The following NEB variants were observed in gnomAD, a reference collection of about 807,000 sequenced individuals.
NEB encodes nemaline myopathy type 2.
NEB carries 512 observed loss-of-function variants against 952.2 expected under a neutral mutation model. The observed-to-expected ratio is 0.54, with a 90% CI of 0.50 to 0.58. The LOEUF is 0.58. Among genes scored for constraint, NEB ranks in the 20% least tolerant of loss-of-function variants. NEB has a pLI of 0.00. For missense variants in NEB, 8,428 were observed against 9,231.1 expected, an observed-to-expected ratio of 0.91 and a Z score of 3.56; for synonymous variants, 2,900 against 3,149.8, an observed-to-expected ratio of 0.92 and a Z score of 2.66.
In NEB at chr2:151,554,005, A is replaced by G. The variant is rs2095483992; in HGVS notation, c.19449T>C (p.Tyr6483=). ...LNIDRLYRSV[Y]EKNKMKIHIV... ...TGTGGATTTTCATCTTGTTCTTTTC[A>G]TAAACTGATCTGTACAGGCGCTGTA... Residue 6483 remains tyrosine, a synonymous_variant, in exon 126 of 182, where the codon TAT becomes TAC. Transcript: ENST00000397345. 6.8e-6 allele frequency: 11 copies of G among 1,613,702 alleles called. No individual in the cohort carries two copies. Among genetic ancestry groups the G allele is most frequent in the African/African-American group, 1.3e-5 (1 of 74,928 alleles).
At chr2:151,499,061 G>GTT (rs1207028358) in intron 169 of NEB, among the ~76,000 whole-genome samples, 1 of 152,016 alleles carries the variant, frequency 6.6e-6, no homozygotes, top group East Asian at 1.9e-4. Context: ...CACTGAGAAT[G>GTT]TTACATTTGT....
intron 142 of NEB, among the ~76,000 whole-genome samples, chr2:151,533,884 T>C (rs1301611784): frequency 6.6e-6 from 1 of 152,238 alleles, no homozygotes; most frequent in Non-Finnish European, 1.5e-5. Context: ...TTTTTGTTTG[T>C]TTTTTGTTGT....
At chr2:151,638,835 GTGT>G (rs1560814370) in intron 63 of NEB, among the ~76,000 whole-genome samples, 45 of 151,486 alleles carry the variant, frequency 3.0e-4, no homozygotes, top group African/African-American at 8.5e-4. Flanking sequence ...GTGTGTGTGT[GTGT>G]GGGTTACCTG....
At chr2:151,641,638 A>G (rs554800005) in intron 60 of NEB, among the ~76,000 whole-genome samples, 1 of 152,262 alleles carries the variant, frequency 6.6e-6, no homozygotes, top group East Asian at 1.9e-4. Flanking sequence ...ACCTATACAC[A>G]TGATTTTTAA....
intron 13 of NEB, 108 bp downstream of exon 13, chr2:151,706,773 A>C (rs1023285867): frequency 9.0e-6 from 7 of 777,058 alleles, no homozygotes; most frequent in Non-Finnish European, 1.3e-5. Context: ...ACCACTCCAT[A>C]ACCTTAATGT....
chr2:151,656,188 C>A lies in NEB; in HGVS notation c.6460G>T (p.Glu2154Ter). Reference protein sequence around the residue: ...YILLPDAMNIELTRNMNRIQS... With the variant: ...YILLPDAMNI ...ATGCGATTCATATTCCTGGTCAGCT[C>A]AATGTTCATTGCATCTGGAAGGAGG... is the stretch of plus-strand genomic sequence containing the variant. The change falls in exon 49 of 182, where the codon GAG (glutamate) becomes TAG (stop). Residue 2154 changes from glutamate to a stop codon, truncating the protein, a stop_gained. Coordinates refer to ENST00000397345, the MANE Select transcript of NEB (RefSeq NM_001164508.2). LOFTEE classifies it high-confidence loss of function. The A allele has an allele frequency of 6.2e-7, 1 of 1,607,012 alleles. No homozygotes were observed. The highest frequency in any genetic ancestry group is 8.5e-7 in the Non-Finnish European group (1 of 1,175,738).
chr2:151,630,734 T>G lies in NEB; in HGVS notation c.9704A>C (p.Asn3235Thr). 1 of 1,608,942 alleles carries G rather than the reference T, an allele frequency of 6.2e-7. No homozygotes were observed. The highest frequency in any genetic ancestry group is 8.5e-7 in the Non-Finnish European group (1 of 1,177,272). ...DTPEIMLARQNKINYSETLYK... is the reference protein window; with the variant it reads ...DTPEIMLARQTKINYSETLYK... ...TCCTACCTCACTGTAGTTGATTTTG[T>G]TCTGCCTTGCCAACATAATCTCTGG... Residue 3235 changes from asparagine (N) to threonine (T), a missense_variant, in exon 67 of 182, where the codon AAC (asparagine) becomes ACC (threonine). By Grantham distance (65) the Asn-to-Thr change is moderately conservative (BLOSUM62 0). Transcript: ENST00000397345.
At chr2:151,490,642 G>T in intron 179 of NEB, 124 bp from the exon 180 acceptor site, 1 of 1,174,546 alleles carries the variant, frequency 8.5e-7, no homozygotes. Context: ...ACTTTCCCAT[G>T]GGTCAAACCC....
In NEB at chr2:151,672,641, G is replaced by A. The variant is rs747303590; in HGVS notation, c.4027C>T (p.His1343Tyr). 12 of 1,613,796 alleles carry A rather than the reference G, an allele frequency of 7.4e-6. No homozygotes were observed. The highest frequency in any genetic ancestry group is 1.0e-5 in the Non-Finnish European group (12 of 1,179,854). The change falls in exon 37 of 182, where the codon CAT becomes TAT. Residue 1343 changes from histidine (H) to tyrosine (Y), a missense_variant. Coordinates refer to ENST00000397345, the MANE Select transcript of NEB (RefSeq NM_001164508.2). ...TCCTGGAGGCTTCTGAAACCCACAT[G>A]CTTTCCCTTTGACTTCTCATAAGCT... ...KEAYEKSKGK[H>Y]VGFRSLQDDP...
chr2:151,568,362 G>C lies in NEB; in HGVS notation c.17690C>G (p.Thr5897Ser), dbSNP rs368206682. 6.2e-7 allele frequency: 1 copy of C among 1,613,284 alleles called. No homozygotes were observed. The highest frequency in any genetic ancestry group is 1.7e-5 in the Admixed American group (1 of 59,946). ...ATKSKYTLTE[T>S]PLLHTAQEAA... ...CTCCTGGGCAGTGTGCAGCAGGGGG[G>C]TTTCTGTGAGGGTGTACTTTGATTT... Residue 5897 changes from threonine to serine, a missense_variant, in exon 112 of 182, where the codon ACC (threonine) becomes AGC (serine). Around this residue, in one of 11 missense-constraint regions of NEB, gnomAD observed 3,374 missense variants for 3,651.5 expected, o/e 0.92. Coordinates refer to ENST00000397345, the MANE Select transcript of NEB (RefSeq NM_001164508.2).
Position 151,609,989 on chromosome 2 carries a change from T to A in NEB, c.12150A>T (p.Glu4050Asp), listed in dbSNP as rs1034285579. The A allele has an allele frequency of 6.2e-7, 1 of 1,613,872 alleles. No individual in the cohort carries two copies. Among genetic ancestry groups the A allele is most frequent in the African/African-American group, 1.3e-5 (1 of 74,946 alleles). The change falls in exon 81 of 182, where the codon GAA becomes GAT. Residue 4050 changes from glutamate (E) to aspartate (D), a missense_variant. Transcript: ENST00000397345. ...KIQSEREYKK[E>D]FQKWKTKFSS... ...AGAACTTGGTTTTCCACTTTTGGAA[T>A]TCCTTCTTGTACTCCCTTTCACTTT...
intron 124 of NEB, among the ~76,000 whole-genome samples, chr2:151,555,262 G>A (rs1037069644): frequency 1.3e-5 from 2 of 152,128 alleles, no homozygotes; most frequent in Non-Finnish European, 2.9e-5. Context: ...TGTATCAAAA[G>A]TACTTTTAAA....
intron 114 of NEB, among the ~76,000 whole-genome samples, chr2:151,566,893 T>C (rs964675678): frequency 1.3e-5 from 2 of 152,178 alleles, no homozygotes; most frequent in Non-Finnish European, 2.9e-5. Context: ...TATGTGAATG[T>C]GAGTGAGGAG....
In NEB at chr2:151,695,438, A is replaced by G. The variant is rs1267776060; in HGVS notation, c.1674+140T>C. 3 of 668,126 alleles carry G rather than the reference A, an allele frequency of 4.5e-6. No homozygotes were observed. The African/African-American group carries it at 5.5e-5, about 12-fold the overall frequency. The allele number at this position is 668,126 out of a possible 1,614,324, so 41.4% of individuals were successfully genotyped here. A position where few individuals can be genotyped will look rare whatever the true frequency, so the allele number is the denominator to read the frequency against. ...AAGGTGAATTCAGTTATACTGGCAGAGGCATAGCAACATGATACAAATGTT... is the reference window on the plus strand; with the variant it reads ...AAGGTGAATTCAGTTATACTGGCAGGGGCATAGCAACATGATACAAATGTT... On this transcript the variant is annotated intron_variant, in intron 18 of 181. Coordinates refer to ENST00000397345, the MANE Select transcript of NEB (RefSeq NM_001164508.2).
At chr2:151,658,942 G>T in intron 47 of NEB, 123 bp downstream of exon 47, 1 of 839,344 alleles carries the variant, frequency 1.2e-6, no homozygotes, top group Non-Finnish European at 2.0e-6. Flanking sequence ...AGTCTCATGT[G>T]TGGATTTCCA....
chr2:151,695,542 C>A, intron 18 of NEB, 36 bp downstream of exon 18: 1 of 1,462,102 alleles, frequency 6.8e-7, no homozygotes, highest in South Asian at 1.2e-5. Context: ...CACAGGTTGT[C>A]AGTACATCAC....
intron 11 of NEB, among the ~76,000 whole-genome samples, 175 bp from the exon 12 acceptor site, chr2:151,709,938 C>T (rs946203823): frequency 7.2e-5 from 11 of 152,142 alleles, no homozygotes; most frequent in African/African-American, 2.7e-4. Flanking sequence ...AGCAACTTAA[C>T]AGAGATTTAG....
Position 151,647,163 on chromosome 2 carries a change from T to C in NEB, c.7432-929A>G, listed in dbSNP as rs112647729. ...TTCACTCTTGTTGCCCATGCTGGAG[T>C]GCAATGGTGCAGTCTTAGCTCACTG... On this transcript the variant is annotated intron_variant, in intron 54 of 181. Transcript: ENST00000397345. Among the ~76,000 whole-genome samples the C allele has an allele frequency of 4.0e-3, 607 of 152,096 alleles. 9 individuals are homozygous for C. The highest frequency in any genetic ancestry group is 0.014 in the African/African-American group (567 of 41,480).
At chr2:151,654,131 C>G (rs2099060543) in intron 51 of NEB, 32 bp from the exon 52 acceptor site, 2 of 1,419,470 alleles carry the variant, frequency 1.4e-6, no homozygotes, top group South Asian at 2.5e-5. Context: ...CAGCATTATT[C>G]TGTCTATATA....
Sources: gnomAD v4.1 joint callset for allele counts (sites outside exome capture counted in the v4.1 genomes callset) on GRCh38, gnomAD v4.1.1 for gene constraint, gnomAD v4.1.1 regional missense constraint, MANE v1.5 for transcripts, NCBI Gene and HGNC (gene_info 2026-07-23, HGNC 2026-07-21) for gene names.